The following DGAT2 variants were observed in gnomAD, a reference collection of about 807,000 sequenced individuals.
The protein encoded by DGAT2 is diacylglycerol O-acyltransferase 2.
In DGAT2, 33 loss-of-function variants were observed where a neutral mutation model predicts 48.4. The ratio of observed to expected loss-of-function variants is 0.68; its 90% CI spans 0.52 to 0.91. The LOEUF is 0.91. Ranked by LOEUF, DGAT2 falls within the 40% of genes least tolerant of loss-of-function variation. The pLI is 0.00. For synonymous variants in DGAT2, 191 were observed against 194.1 expected (o/e 0.98, Z 0.13); for missense variants, 446 against 493.7 (o/e 0.90, Z 0.92).
At chr11:75,783,219 A>C (rs1292046837) in intron 1 of DGAT2, among the ~76,000 whole-genome samples, 4 of 152,162 alleles carry the variant, frequency 2.6e-5, no homozygotes, top group Non-Finnish European at 5.9e-5. Context: ...GGGGTCACAT[A>C]GTGAGTAGAA....
rs779724100 is a variant in DGAT2 at position 75,784,785 on chromosome 11, G to A, written c.250+39G>A. 3 of 1,612,952 alleles carry A rather than the reference G, an allele frequency of 1.9e-6. No homozygotes were observed. The South Asian group carries it at 3.3e-5, about 18-fold the overall frequency. Reference sequence around the variant, plus strand: ...TAGAGGGAGGGCAGGTGGGCAGGCAGTGTCCACTTCCCCAAAAGAGGTAGA... The same window carrying A: ...TAGAGGGAGGGCAGGTGGGCAGGCAATGTCCACTTCCCCAAAAGAGGTAGA... On this transcript the variant is annotated intron_variant, in intron 2 of 7. Transcript: ENST00000228027.
chr11:75,770,587 T>C (rs1324073304), intron 1 of DGAT2, among the ~76,000 whole-genome samples: 1 of 152,218 alleles, frequency 6.6e-6, no homozygotes, highest in Non-Finnish European at 1.5e-5. Flanking sequence ...AGGGATGTTC[T>C]CTGTGGTAGT....
rs200106462 is a variant in DGAT2, at chr11:75,798,183, A to C, written c.810-44A>C. The C allele has an allele frequency of 3.0e-4, 482 of 1,600,754 alleles. 1 individual carries two copies. The highest frequency in any genetic ancestry group is 3.9e-4 in the Non-Finnish European group (458 of 1,169,324). ...GCCTCTAGGCTGACATAGAAACTGA[A>C]GCCAGTAAGTAGGGTATGACAGACC... On this transcript the variant is annotated intron_variant, in intron 6 of 7. Transcript: ENST00000228027.
At position 75,782,675 on chromosome 11, in the gene DGAT2, G is replaced by T. The variant is rs187927077; in HGVS notation, c.122-1943G>T. Among the ~76,000 whole-genome samples, 53 of 152,354 alleles carry T rather than the reference G, an allele frequency of 3.5e-4. No individual in the cohort carries two copies. The East Asian group carries it at 9.8e-3, about 28-fold the overall frequency. ...AGGTGAAAGGTTATGAGACCCTCAA[G>T]GATAAGCATGTGATGAACTCATCTG... On this transcript the variant is annotated intron_variant, in intron 1 of 7. Transcript: ENST00000228027.
chr11:75,796,275 C>T (rs1945051071), intron 4 of DGAT2, 53 bp from the exon 5 acceptor site: 3 of 1,521,866 alleles, frequency 2.0e-6, no homozygotes, highest in East Asian at 4.5e-5. Context: ...TCCGGGTATG[C>T]CCCGGTATCC....
At position 75,800,374 on chromosome 11, in the gene DGAT2, C is replaced by T; in HGVS notation, c.1033C>T (p.Pro345Ser). 1 of 1,614,150 alleles carries T rather than the reference C, an allele frequency of 6.2e-7. No homozygotes were observed. Among genetic ancestry groups the T allele is most frequent in the Non-Finnish European group, 8.5e-7 (1 of 1,180,018 alleles). ...TGCAGTGGGAGAGCCCATCACCATC[C>T]CCAAGCTGGAGCACCCAACCCAGCA... ...TTVVGEPITI[P>S]KLEHPTQQDI... Residue 345 changes from proline (P) to serine (S), a missense_variant, in exon 8 of 8, where the codon CCC becomes TCC. Pro to Ser is a moderately conservative substitution (Grantham distance 74). Coordinates refer to ENST00000228027, the MANE Select transcript of DGAT2 (RefSeq NM_032564.5).
In DGAT2 at chr11:75,769,127, G is replaced by C. The variant is rs754070434; in HGVS notation, c.121+15G>C. The C allele has an allele frequency of 6.4e-7, 1 of 1,554,590 alleles. No homozygotes were observed. Among genetic ancestry groups the C allele is most frequent in the African/African-American group, 1.4e-5 (1 of 70,532 alleles). ...TGGGAGATGGGGTGAGTGCCACGGC[G>C]CAGGGGTTATGGACCTGCGAGAAGA... On this transcript the variant is annotated intron_variant, in intron 1 of 7. Coordinates refer to ENST00000228027, the MANE Select transcript of DGAT2 (RefSeq NM_032564.5).
Position 75,769,064 on chromosome 11 carries a change from C to T in DGAT2, c.73C>T (p.Arg25Cys). The change falls in exon 1 of 8, where the codon CGC (arginine) becomes TGC (cysteine). Residue 25 changes from arginine (R) to cysteine (C), a missense_variant. Coordinates refer to ENST00000228027, the MANE Select transcript of DGAT2 (RefSeq NM_032564.5). Reference sequence around the variant, plus strand: ...TCAGGCCGAGGCTGACCGGAGCCAGCGCTCTCACGGAGGACCTGCGCTGTC... The same window carrying T: ...TCAGGCCGAGGCTGACCGGAGCCAGTGCTCTCACGGAGGACCTGCGCTGTC... ...ERQAEADRSQ[R>C]SHGGPALSRE... The T allele has an allele frequency of 1.3e-6, 2 of 1,582,126 alleles. No individual in the cohort carries two copies. Among genetic ancestry groups the T allele is most frequent in the Non-Finnish European group, 1.7e-6 (2 of 1,166,930 alleles).
Position 75,791,760 on chromosome 11 carries a change from G to A in DGAT2, c.429+1029G>A, listed in dbSNP as rs185137426. ...GCTGGAGATCTCAGTTTAAGTTCCT[G>A]CCCTGTCACTCCATTTATTAACCTG... is the stretch of plus-strand genomic sequence containing the variant. On this transcript the variant is annotated intron_variant, in intron 4 of 7. Coordinates refer to ENST00000228027, the MANE Select transcript of DGAT2 (RefSeq NM_032564.5). Among the ~76,000 whole-genome samples the A allele has an allele frequency of 3.3e-4, 51 of 152,260 alleles. 1 individual carries two copies. The East Asian group carries it at 9.3e-3, about 28-fold the overall frequency.
At chr11:75,775,118 A>G (rs1351632119) in intron 1 of DGAT2, among the ~76,000 whole-genome samples, 5 of 152,224 alleles carry the variant, frequency 3.3e-5, no homozygotes, top group African/African-American at 1.2e-4. Context: ...TCTTCTGTGG[A>G]TAAAAATTCA....
At chr11:75,784,809 G>A in intron 2 of DGAT2, 63 bp downstream of exon 2, 1 of 1,608,502 alleles carries the variant, frequency 6.2e-7, no homozygotes, top group Non-Finnish European at 8.5e-7. Flanking sequence ...AAAAGAGGTA[G>A]AGCAGGAGCC....
intron 1 of DGAT2, among the ~76,000 whole-genome samples, chr11:75,781,191 C>T (rs536587584): frequency 9.2e-5 from 14 of 152,348 alleles, no homozygotes; most frequent in African/African-American, 3.4e-4. Context: ...CTGGCAATTC[C>T]AGGCCTGCAT....
At chr11:75,769,479 C>G (rs1033732957) in intron 1 of DGAT2, among the ~76,000 whole-genome samples, 1 of 152,096 alleles carries the variant, frequency 6.6e-6, no homozygotes, top group Non-Finnish European at 1.5e-5. Context: ...GAGACAGCCA[C>G]CAGACGGGGA....
intron 4 of DGAT2, chr11:75,796,018 A>AGAGG (rs1945047261): frequency 2.9e-6 from 1 of 340,694 alleles, no homozygotes; most frequent in African/African-American, 2.1e-5. Flanking sequence ...GGATGGGCCC[A>AGAGG]GAGGGAGGGA....
At chr11:75,780,077 C>T (rs924280901) in intron 1 of DGAT2, among the ~76,000 whole-genome samples, 5 of 152,182 alleles carry the variant, frequency 3.3e-5, no homozygotes, top group African/African-American at 1.2e-4. Context: ...TGGGAGTGTG[C>T]AGAGAGAGTG....
At chr11:75,795,866 G>C (rs2135779397) in intron 4 of DGAT2, 2 of 167,616 alleles carry the variant, frequency 1.2e-5, no homozygotes, top group Middle Eastern at 6.0e-3. Flanking sequence ...CTGACAGTGG[G>C]GGCAGAGCTT....
rs189766090 is a variant in DGAT2 at position 75,789,077 on chromosome 11, A to G, written c.251-1111A>G. On this transcript the variant is annotated intron_variant, in intron 2 of 7. Transcript: ENST00000228027. ...CCAGGCTAGATTAGTCTCTCTTATG[A>G]CCTACAGGCCCAGAACATGGTGACC... 1.5e-3 allele frequency among the ~76,000 whole-genome samples: 223 copies of G among 152,000 alleles called. 1 individual carries two copies. Among genetic ancestry groups the G allele is most frequent in the African/African-American group, 5.1e-3 (211 of 41,442 alleles).
chr11:75,771,492 G>A (rs937201920), intron 1 of DGAT2, among the ~76,000 whole-genome samples: 3 of 152,118 alleles, frequency 2.0e-5, no homozygotes, highest in Non-Finnish European at 4.4e-5. Flanking sequence ...ATAGGAGTGG[G>A]ATGATGGGTG....
chr11:75,785,943 C>T (rs1424976592), intron 2 of DGAT2, among the ~76,000 whole-genome samples: 5 of 152,210 alleles, frequency 3.3e-5, no homozygotes. Flanking sequence ...AGTGCATTCC[C>T]CAGGGAGCCC....
Sources: gnomAD v4.1 joint callset for allele counts (sites outside exome capture counted in the v4.1 genomes callset) on GRCh38, gnomAD v4.1.1 for gene constraint, MANE v1.5 for transcripts, NCBI Gene and HGNC (gene_info 2026-07-23, HGNC 2026-07-21) for gene names.